Variants in DLG2 observed in about 807,000 individuals in gnomAD.
DLG2 encodes discs large MAGUK scaffold protein 2, also known as disks large homolog 2.
A neutral mutation model predicts 132.5 loss-of-function variants in DLG2; 45 were observed. That is an observed-to-expected ratio of 0.34 (90% CI 0.27 to 0.44). The LOEUF (loss-of-function observed/expected upper bound fraction) is 0.44, where lower values mean the gene tolerates loss of function less well. DLG2 is among the 20% of genes least tolerant of loss of function. DLG2 has a pLI of 1.00. For synonymous variants in DLG2, 424 were observed against 419.6 expected (o/e 1.01, Z -0.13); for missense variants, 1,045 against 1,196.9 (o/e 0.87, Z 1.87).
chr11:84,772,189 G>A (rs576935338), intron 6 of DLG2, among the ~76,000 whole-genome samples: 11 of 151,962 alleles, frequency 7.2e-5, no homozygotes, highest in African/African-American at 9.6e-5. Context: ...AGGGCATTAC[G>A]TAATGATAAA....
chr11:85,056,497 T>A (rs911123521), intron 6 of DLG2, among the ~76,000 whole-genome samples: 26 of 151,972 alleles, frequency 1.7e-4, no homozygotes, highest in Admixed American at 1.6e-3. Context: ...TACAATGCCA[T>A]AAAAGACATA....
intron 18 of DLG2, among the ~76,000 whole-genome samples, chr11:83,646,183 A>T (rs560626764): frequency 6.6e-6 from 1 of 152,154 alleles, no homozygotes; most frequent in Non-Finnish European, 1.5e-5. Context: ...TCTGGACGCA[A>T]GAGGATGTGA....
At chr11:85,359,000 A>T (rs2083945437) in intron 3 of DLG2, among the ~76,000 whole-genome samples, 1 of 152,166 alleles carries the variant, frequency 6.6e-6, no homozygotes, top group Non-Finnish European at 1.5e-5. Context: ...GCCATTTGTT[A>T]ATATAAGAAC....
chr11:83,467,572 G>C (rs1042530709), intron 25 of DLG2, among the ~76,000 whole-genome samples: 2 of 151,238 alleles, frequency 1.3e-5, no homozygotes, highest in East Asian at 3.9e-4. Context: ...AAAATGGTGA[G>C]ACCCTGTCTC....
chr11:84,694,300 T>C (rs1196459689), intron 6 of DLG2, among the ~76,000 whole-genome samples: 1 of 151,604 alleles, frequency 6.6e-6, no homozygotes, highest in Non-Finnish European at 1.5e-5. Flanking sequence ...AAAGACAACA[T>C]TGCATATATA....
chr11:84,010,540 A>G (rs2094830895), intron 11 of DLG2, among the ~76,000 whole-genome samples: 1 of 151,942 alleles, frequency 6.6e-6, no homozygotes, highest in South Asian at 2.1e-4. Flanking sequence ...GGGCTCAAGT[A>G]ATCCTCCTGC....
intron 10 of DLG2, among the ~76,000 whole-genome samples, chr11:84,063,096 C>T (rs1594423714): frequency 6.6e-6 from 1 of 152,054 alleles, no homozygotes; most frequent in African/African-American, 2.4e-5. Flanking sequence ...GCATCAAAAG[C>T]GATACTCCAT....
At chr11:85,192,640 G>A (rs1038068139) in intron 4 of DLG2, among the ~76,000 whole-genome samples, 5 of 152,140 alleles carry the variant, frequency 3.3e-5, no homozygotes, top group African/African-American at 1.2e-4. Context: ...TGGAATAAGA[G>A]GACCCAATTT....
At chr11:83,887,585 C>A (rs931233325) in intron 15 of DLG2, among the ~76,000 whole-genome samples, 2 of 151,954 alleles carry the variant, frequency 1.3e-5, no homozygotes, top group Non-Finnish European at 2.9e-5. Context: ...GGGAATCCTC[C>A]CTAACTCATT....
In DLG2 at chr11:85,131,092, C is replaced by T. The variant is rs1334224692; in HGVS notation, c.283-19357G>A. Reference sequence around the variant, plus strand: ...ACAATACTGGAGTAATGACATTTATCTCTTATTAAGAATTTAAAGCAAAAT... The same window carrying T: ...ACAATACTGGAGTAATGACATTTATTTCTTATTAAGAATTTAAAGCAAAAT... On this transcript the variant is annotated intron_variant, in intron 5 of 27. Transcript: ENST00000376104. 2.0e-5 allele frequency among the ~76,000 whole-genome samples: 3 copies of T among 151,946 alleles called. No individual in the cohort carries two copies. The East Asian group carries it at 6.0e-4, about 31-fold the overall frequency.
At chr11:85,426,500 G>A (rs1450082868) in intron 3 of DLG2, among the ~76,000 whole-genome samples, 1 of 152,184 alleles carries the variant, frequency 6.6e-6, no homozygotes, top group Non-Finnish European at 1.5e-5. Flanking sequence ...TTCCACTGCT[G>A]ATACTCAGGC....
chr11:85,044,036 T>G (rs902536770), intron 6 of DLG2, among the ~76,000 whole-genome samples: 1 of 151,996 alleles, frequency 6.6e-6, no homozygotes, highest in Non-Finnish European at 1.5e-5. Flanking sequence ...CCTAAACTAT[T>G]TACAAGTTTC....
At chr11:84,031,398 C>T (rs569450298) in intron 11 of DLG2, among the ~76,000 whole-genome samples, 12 of 151,964 alleles carry the variant, frequency 7.9e-5, no homozygotes, top group Middle Eastern at 3.4e-3. Flanking sequence ...TGCATTTGAC[C>T]GTGTTAAACT....
At chr11:85,347,208 G>T (rs185658858) in intron 3 of DLG2, among the ~76,000 whole-genome samples, 2 of 151,970 alleles carry the variant, frequency 1.3e-5, no homozygotes, top group East Asian at 1.9e-4. Context: ...TTTGAAAACC[G>T]AAAGGCCTCA....
intron 10 of DLG2, among the ~76,000 whole-genome samples, chr11:84,064,248 T>C (rs1312555131): frequency 1.3e-5 from 2 of 152,228 alleles, no homozygotes; most frequent in Non-Finnish European, 2.9e-5. Context: ...AAAATTCCCA[T>C]GCATTATGCA....
chr11:84,793,665 G>T (rs186177890), intron 6 of DLG2, among the ~76,000 whole-genome samples: 36 of 152,074 alleles, frequency 2.4e-4, no homozygotes, highest in African/African-American at 8.0e-4. Flanking sequence ...TACCTTCCTT[G>T]TTTCTCCTTA....
At chr11:85,421,016 G>GA (rs1192662133) in intron 3 of DLG2, among the ~76,000 whole-genome samples, 1 of 151,922 alleles carries the variant, frequency 6.6e-6, no homozygotes, top group African/African-American at 2.4e-5. Flanking sequence ...AAATAAAAAT[G>GA]AAAAAAACAC....
intron 9 of DLG2, among the ~76,000 whole-genome samples, chr11:84,141,811 G>T (rs1472583257): frequency 4.6e-5 from 7 of 151,880 alleles, no homozygotes; most frequent in Admixed American, 2.0e-4. Context: ...ATATCTACAG[G>T]TTTTTTTTAA....
intron 9 of DLG2, among the ~76,000 whole-genome samples, chr11:84,134,410 C>A (rs2154220414): frequency 6.6e-6 from 1 of 152,184 alleles, no homozygotes; most frequent in South Asian, 2.1e-4. Context: ...TTTATTAAAG[C>A]CTAGGTATCT....
Sources: allele counts gnomAD v4.1 joint callset (sites outside exome capture counted in the v4.1 genomes callset), GRCh38; gene constraint gnomAD v4.1.1; transcripts MANE v1.5; gene names NCBI Gene and HGNC (gene_info 2026-07-23, HGNC 2026-07-21).